Variants in CDH4 observed in about 807,000 individuals in gnomAD.
The protein encoded by CDH4 is cadherin 4.
In CDH4, 33 loss-of-function variants were observed where a neutral mutation model predicts 86.0. That is an observed-to-expected ratio of 0.38 (90% CI 0.29 to 0.51). The LOEUF (loss-of-function observed/expected upper bound fraction) is 0.51. CDH4 is among the 20% of genes least tolerant of loss of function. CDH4 has a pLI of 0.86. For missense variants in CDH4, 1,114 were observed against 1,307.4 expected (o/e 0.85, Z 2.28); for synonymous variants, 555 against 549.4 (o/e 1.01, Z -0.14).
intron 3 of CDH4, among the ~76,000 whole-genome samples, chr20:61,744,456 G>C (rs2088386391): frequency 3.8e-5 from 2 of 52,958 alleles, no homozygotes; most frequent in Admixed American, 1.8e-4. Flanking sequence ...GAGGGAGAGA[G>C]AGAAGGAGGG....
At chr20:61,769,703 G>A (rs1168997690) in intron 3 of CDH4, among the ~76,000 whole-genome samples, 1 of 152,186 alleles carries the variant, frequency 6.6e-6, no homozygotes, top group African/African-American at 2.4e-5. Flanking sequence ...TGGTGAGAGG[G>A]AGGACTTATG....
chr20:61,812,579 G>A (rs890717260), intron 4 of CDH4, among the ~76,000 whole-genome samples: 9 of 151,472 alleles, frequency 5.9e-5, no homozygotes, highest in African/African-American at 7.3e-5. Flanking sequence ...TCAAACCATC[G>A]CAAACATAGT....
intron 11 of CDH4, among the ~76,000 whole-genome samples, chr20:61,926,026 G>A (rs528097841): frequency 1.6e-4 from 25 of 152,320 alleles, no homozygotes; most frequent in Non-Finnish European, 2.4e-4. Flanking sequence ...GTAGGACTCC[G>A]ATTATTTTAT....
chr20:61,814,921 C>T (rs781244198), intron 4 of CDH4, among the ~76,000 whole-genome samples: 4 of 152,172 alleles, frequency 2.6e-5, no homozygotes, highest in Non-Finnish European at 4.4e-5. Flanking sequence ...GCTCCTCCCA[C>T]GCTCCGCTCC....
intron 2 of CDH4, among the ~76,000 whole-genome samples, chr20:61,438,071 C>T (rs2085295012): frequency 6.6e-6 from 1 of 152,190 alleles, no homozygotes. Flanking sequence ...ACAGTGCATG[C>T]CAGGTTTGCC....
At chr20:61,405,704 T>A (rs897300379) in intron 2 of CDH4, among the ~76,000 whole-genome samples, 5 of 151,968 alleles carry the variant, frequency 3.3e-5, no homozygotes, top group Non-Finnish European at 4.4e-5. Flanking sequence ...ATAATTTTTT[T>A]TTTTTTTGAG....
At chr20:61,580,417 C>T (rs1020702344) in intron 2 of CDH4, among the ~76,000 whole-genome samples, 5 of 152,104 alleles carry the variant, frequency 3.3e-5, no homozygotes, top group African/African-American at 1.2e-4. Flanking sequence ...GCTATTGTCA[C>T]TCCACTCCAG....
chr20:61,649,166 G>A (rs2087095513), intron 2 of CDH4, among the ~76,000 whole-genome samples: 1 of 152,224 alleles, frequency 6.6e-6, no homozygotes, highest in African/African-American at 2.4e-5. Flanking sequence ...GTGTCTGCCA[G>A]TGGGCTCTTC....
At chr20:61,667,511 C>T (rs1471046202) in intron 2 of CDH4, among the ~76,000 whole-genome samples, 2 of 152,216 alleles carry the variant, frequency 1.3e-5, no homozygotes, top group African/African-American at 2.4e-5. Flanking sequence ...AGAGGGTGGC[C>T]GGCACCAGAT....
intron 2 of CDH4, among the ~76,000 whole-genome samples, chr20:61,278,995 G>A (rs1428704239): frequency 6.6e-6 from 1 of 152,236 alleles, no homozygotes; most frequent in Non-Finnish European, 1.5e-5. Flanking sequence ...TGCCAGGGGA[G>A]CTGGGACCAG....
At chr20:61,524,158 T>C (rs1055815422) in intron 2 of CDH4, among the ~76,000 whole-genome samples, 2 of 152,148 alleles carry the variant, frequency 1.3e-5, no homozygotes, top group African/African-American at 2.4e-5. Context: ...CTGTGGTCCA[T>C]TGGGCTGCTT....
At chr20:61,642,261 A>C (rs969844447) in intron 2 of CDH4, among the ~76,000 whole-genome samples, 1 of 152,222 alleles carries the variant, frequency 6.6e-6, no homozygotes, top group African/African-American at 2.4e-5. Context: ...ACCAAGGCAA[A>C]AGTGCCTGAG....
At chr20:61,750,037 G>A (rs1478447806) in intron 3 of CDH4, among the ~76,000 whole-genome samples, 1 of 151,844 alleles carries the variant, frequency 6.6e-6, no homozygotes, top group Admixed American at 6.6e-5. Context: ...CTCTAGCCTG[G>A]GCAACACAGC....
chr20:61,546,172 G>A (rs997297981), intron 2 of CDH4, among the ~76,000 whole-genome samples: 8 of 130,760 alleles, frequency 6.1e-5, no homozygotes, highest in African/African-American at 2.3e-4. Flanking sequence ...GTGTGCCTGT[G>A]TGTGGGGGTA....
intron 13 of CDH4, 75 bp downstream of exon 13, chr20:61,929,917 A>AG (rs1471128571): frequency 7.3e-6 from 9 of 1,234,516 alleles, no homozygotes; most frequent in South Asian, 5.0e-5. Context: ...TGGTGGGCAG[A>AG]GGGGGGCCTG....
chr20:61,770,020 A>G (rs569181740), intron 3 of CDH4, among the ~76,000 whole-genome samples: 3 of 152,246 alleles, frequency 2.0e-5, no homozygotes, highest in East Asian at 3.9e-4. Flanking sequence ...TTCAGTACCT[A>G]TGAGGCACAG....
At chr20:61,341,062 AC>A (rs2123282523) in intron 2 of CDH4, among the ~76,000 whole-genome samples, 1 of 152,054 alleles carries the variant, frequency 6.6e-6, no homozygotes, top group Admixed American at 6.5e-5. Flanking sequence ...ACCCTTCCTC[AC>A]CTCCTTCCCT....
At chr20:61,850,814 G>A (rs763600306) in intron 5 of CDH4, among the ~76,000 whole-genome samples, 1 of 152,198 alleles carries the variant, frequency 6.6e-6, no homozygotes, top group Non-Finnish European at 1.5e-5. Context: ...ATGGGCAGGG[G>A]AGATTTCTAC....
At chr20:61,705,990 C>T (rs1307559866) in intron 2 of CDH4, among the ~76,000 whole-genome samples, 1 of 152,210 alleles carries the variant, frequency 6.6e-6, no homozygotes, top group Non-Finnish European at 1.5e-5. Context: ...GGATTTCTCC[C>T]CCACGGGTGC....
Sources: allele counts gnomAD v4.1 joint callset (sites outside exome capture counted in the v4.1 genomes callset), GRCh38; gene constraint gnomAD v4.1.1; transcripts MANE v1.5; gene names NCBI Gene and HGNC (gene_info 2026-07-23, HGNC 2026-07-21).